Variants in REDIC1 observed in about 807,000 individuals in gnomAD.
REDIC1 encodes the protein regulator of DNA class I crossover intermediates 1, also known as HEI10 Interacting Protein 1.
chr12:39,889,529 C>CA, the REDIC1 span, among the ~76,000 whole-genome samples: 6 of 119,864 alleles, frequency 5.0e-5, no homozygotes, highest in East Asian at 1.3e-3. Context: ...GGTAAACAAC[C>CA]TTTTTTTTTT....
the REDIC1 span, among the ~76,000 whole-genome samples, chr12:39,748,765 T>A: frequency 6.6e-6 from 1 of 152,172 alleles, no homozygotes; most frequent in African/African-American, 2.4e-5. Flanking sequence ...ATTAAGAAAC[T>A]CACTCAAAAC....
chr12:39,897,702 T>C, the REDIC1 span, among the ~76,000 whole-genome samples: 15 of 152,280 alleles, frequency 9.9e-5, no homozygotes, highest in African/African-American at 3.4e-4. Flanking sequence ...TTGCAATTAA[T>C]TGGCCTAATG....
At chr12:39,682,141 T>A in the REDIC1 span, among the ~76,000 whole-genome samples, 370 of 152,290 alleles carry the variant, frequency 2.4e-3, 1 homozygote, top group African/African-American at 8.1e-3. Context: ...ACTTTATAAT[T>A]GTTTTTATAT....
the REDIC1 span, chr12:39,646,586 C>G: frequency 3.4e-6 from 3 of 871,910 alleles, no homozygotes; most frequent in East Asian, 8.8e-5. Flanking sequence ...TGGCTGTTAA[C>G]AGTATTATGC....
the REDIC1 span, among the ~76,000 whole-genome samples, chr12:39,739,534 ATGAT>A: frequency 6.6e-6 from 1 of 152,216 alleles, no homozygotes; most frequent in African/African-American, 2.4e-5. Context: ...GCATGATTGA[ATGAT>A]TGATTAATAT....
the REDIC1 span, among the ~76,000 whole-genome samples, chr12:39,781,719 A>T: frequency 1.3e-5 from 2 of 152,224 alleles, no homozygotes; most frequent in Admixed American, 1.3e-4. Flanking sequence ...ACACACAAAC[A>T]CATAGACAAG....
At chr12:39,873,737 A>G in the REDIC1 span, among the ~76,000 whole-genome samples, 4,853 of 152,324 alleles carry the variant, frequency 0.032, 113 homozygotes, top group Non-Finnish European at 0.045. Flanking sequence ...AAAGGAGAGT[A>G]GTATAAAACA....
chr12:39,781,608 A>G, the REDIC1 span, among the ~76,000 whole-genome samples: 1 of 152,268 alleles, frequency 6.6e-6, no homozygotes, highest in Non-Finnish European at 1.5e-5. Flanking sequence ...GAGAGAATGA[A>G]TAAGTCATTC....
chr12:39,651,801 A>T, the REDIC1 span, among the ~76,000 whole-genome samples: 1 of 152,184 alleles, frequency 6.6e-6, no homozygotes, highest in African/African-American at 2.4e-5. Context: ...GCACTTTGAT[A>T]AATTTTGACA....
At chr12:39,712,875 ACG>A in the REDIC1 span, among the ~76,000 whole-genome samples, 7 of 118,944 alleles carry the variant, frequency 5.9e-5, no homozygotes, top group Non-Finnish European at 9.5e-5. Flanking sequence ...ACGTATATAC[ACG>A]TATATACATA....
the REDIC1 span, among the ~76,000 whole-genome samples, chr12:39,747,323 T>C: frequency 6.6e-6 from 1 of 152,176 alleles, no homozygotes; most frequent in African/African-American, 2.4e-5. Context: ...AGAAAGGGTA[T>C]CAGTGATTGA....
the REDIC1 span, among the ~76,000 whole-genome samples, chr12:39,783,917 C>A: frequency 1.3e-5 from 2 of 152,178 alleles, no homozygotes; most frequent in Non-Finnish European, 2.9e-5. Context: ...CACAAGCATT[C>A]CTGTACACAA....
chr12:39,768,503 TGA>T, the REDIC1 span, among the ~76,000 whole-genome samples: 2 of 152,076 alleles, frequency 1.3e-5, no homozygotes, highest in Non-Finnish European at 2.9e-5. Flanking sequence ...TGATTTAAAG[TGA>T]GAGTCGTGCT....
chr12:39,670,512 T>G, the REDIC1 span, among the ~76,000 whole-genome samples: 1 of 152,212 alleles, frequency 6.6e-6, no homozygotes, highest in Non-Finnish European at 1.5e-5. Flanking sequence ...TTTGACTGTT[T>G]GACTATAATG....
At chr12:39,756,959 TTTTATTA>T in the REDIC1 span, 72 of 151,660 alleles carry the variant, frequency 4.7e-4, no homozygotes, top group African/African-American at 1.5e-3. Flanking sequence ...ACACATTACC[TTTTATTA>T]TTTATTATTT....
At chr12:39,704,428 G>A in the REDIC1 span, among the ~76,000 whole-genome samples, 2 of 152,166 alleles carry the variant, frequency 1.3e-5, no homozygotes, top group African/African-American at 4.8e-5. Context: ...AACAACAGGT[G>A]CTGGAGAGGA....
At chr12:39,905,873 C>A in the REDIC1 span, among the ~76,000 whole-genome samples, 2 of 150,510 alleles carry the variant, frequency 1.3e-5, no homozygotes, top group Admixed American at 1.3e-4. Context: ...CTGTCTCTCA[C>A]AGATGAGATG....
the REDIC1 span, chr12:39,716,936 TA>T: frequency 1.4e-6 from 1 of 719,914 alleles, no homozygotes; most frequent in East Asian, 3.6e-5. Flanking sequence ...TTGAGTCAAT[TA>T]AATAGTGGAA....
chr12:39,641,010 T>C, the REDIC1 span: 5 of 1,605,502 alleles, frequency 3.1e-6, no homozygotes, highest in African/African-American at 5.4e-5. Context: ...GAAAAAGTGT[T>C]TTTATTTTTG....
Sources: allele counts gnomAD v4.1 joint callset (sites outside exome capture counted in the v4.1 genomes callset), GRCh38; gene constraint gnomAD v4.1.1; transcripts MANE v1.5; gene names NCBI Gene and HGNC (gene_info 2026-07-23, HGNC 2026-07-21).